The following DPEP1 variants were observed in gnomAD, a reference collection of about 807,000 sequenced individuals.
DPEP1 encodes the protein dipeptidase 1.
DPEP1 carries 50 observed loss-of-function variants against 42.3 expected under a neutral mutation model. The ratio of observed to expected loss-of-function variants is 1.18; its 90% CI spans 0.94 to 1.50. The LOEUF (loss-of-function observed/expected upper bound fraction) is 1.50, where lower values mean the gene tolerates loss of function less well. DPEP1 is among the 40% of genes most tolerant of loss of function. The pLI, the probability that DPEP1 is intolerant of heterozygous loss-of-function variation, is 0.00. For missense variants in DPEP1, 663 were observed against 553.0 expected, an observed-to-expected ratio of 1.20 and a Z score of -1.99; for synonymous variants, 297 against 234.0, an observed-to-expected ratio of 1.27 and a Z score of -2.46.
intron 1 of DPEP1, among the ~76,000 whole-genome samples, chr16:89,615,615 G>A (rs72805576): frequency 0.04 from 6,121 of 152,322 alleles, 178 homozygotes; most frequent in African/African-American, 0.075. Context: ...CCCACAGGCA[G>A]AGCCCACCCT....
chr16:89,638,748 A>G (rs1173147719), downstream of DPEP1, among the ~76,000 whole-genome samples: 1 of 104,764 alleles, frequency 9.5e-6, no homozygotes, highest in African/African-American at 3.9e-5. Context: ...CCCTGCACAC[A>G]CACACACCCC....
intron 2 of DPEP1, among the ~76,000 whole-genome samples, chr16:89,632,003 G>A (rs889563454): frequency 6.6e-6 from 1 of 152,056 alleles, no homozygotes; most frequent in Admixed American, 6.6e-5. Flanking sequence ...CATAAAGAAG[G>A]GAAAAAGGAC....
chr16:89,618,475 C>T (rs1049660229), intron 1 of DPEP1, among the ~76,000 whole-genome samples: 2 of 152,168 alleles, frequency 1.3e-5, no homozygotes, highest in Non-Finnish European at 2.9e-5. Context: ...GCCTTGGCCA[C>T]CCAAAGTGCT....
chr16:89,628,683 C>A (rs760531050), intron 1 of DPEP1, among the ~76,000 whole-genome samples: 1 of 152,110 alleles, frequency 6.6e-6, no homozygotes, highest in Non-Finnish European at 1.5e-5. Context: ...CAGTTTCTGC[C>A]TCTGAAGCGA....
intron 1 of DPEP1, among the ~76,000 whole-genome samples, chr16:89,620,428 G>T (rs577659247): frequency 6.6e-6 from 1 of 152,280 alleles, no homozygotes; most frequent in East Asian, 1.9e-4. Context: ...TGCCTGGGGG[G>T]CCTCAAAGGG....
At chr16:89,617,520 C>T (rs1279854762) in intron 1 of DPEP1, among the ~76,000 whole-genome samples, 1 of 152,066 alleles carries the variant, frequency 6.6e-6, no homozygotes, top group African/African-American at 2.4e-5. Flanking sequence ...ATGCAAAGGA[C>T]AGGAGCCCAC....
chr16:89,623,742 A>G (rs868294926), intron 1 of DPEP1, among the ~76,000 whole-genome samples: 15 of 152,180 alleles, frequency 9.9e-5, no homozygotes, highest in Admixed American at 6.5e-4. Context: ...AAGCCAGGAC[A>G]GGAGGCAGAA....
downstream of DPEP1, among the ~76,000 whole-genome samples, chr16:89,639,826 C>T (rs1022090427): frequency 6.6e-6 from 1 of 152,162 alleles, no homozygotes; most frequent in Non-Finnish European, 1.5e-5. Context: ...GCTGGGATTA[C>T]AGATGTGCGC....
Position 89,619,838 on chromosome 16 carries a change from G to A in DPEP1, c.-107+6119G>A, listed in dbSNP as rs112169227. On this transcript the variant is annotated intron_variant, in intron 1 of 10. Coordinates refer to ENST00000690203, the MANE Select transcript of DPEP1 (RefSeq NM_001389466.1). ...CACTCCCCTCTCTGCAGCCCCCTGC[G>A]TCCCCTCCCCTCTCTGCAGCCCCCA... Among the ~76,000 whole-genome samples the A allele has an allele frequency of 7.3e-4, 8 of 10,914 alleles. No homozygotes were observed. In the South Asian group the frequency reaches 0.026, roughly 36 times the overall value. 7.2% of individuals were successfully genotyped at this position (10,914 alleles called of 152,430 possible). A position where few individuals can be genotyped will look rare whatever the true frequency, so the allele number is the denominator to read the frequency against.
At chr16:89,613,901 GCGGCTTCC>G (rs2059354859) in intron 1 of DPEP1, among the ~76,000 whole-genome samples, 182 bp downstream of exon 1, 2 of 149,052 alleles carry the variant, frequency 1.3e-5, no homozygotes, top group African/African-American at 2.5e-5. Context: ...AGGGGACGGG[GCGGCTTCC>G]TGGGATTCTA....
At chr16:89,618,979 G>A (rs1423782112) in intron 1 of DPEP1, among the ~76,000 whole-genome samples, 7 of 4,078 alleles carry the variant, frequency 1.7e-3, no homozygotes, top group Middle Eastern at 0.25. Context: ...CTGCCCCCCC[G>A]CTCCCCTCCC....
At position 89,632,714 on chromosome 16, in the gene DPEP1, C is replaced by T. The variant is rs145148533; in HGVS notation, c.104+2200C>T. Among the ~76,000 whole-genome samples, 254 of 152,276 alleles carry T rather than the reference C, an allele frequency of 1.7e-3. 2 individuals are homozygous for T. Among genetic ancestry groups the T allele is most frequent in the African/African-American group, 5.8e-3 (243 of 41,558 alleles). On this transcript the variant is annotated intron_variant, in intron 2 of 10. Transcript: ENST00000690203. ...GCCATGAGGCAGGCAGGGCCTCCCT[C>T]CCACTGAGAAACCAGAGGCCCCACC...
chr16:89,625,270 C>G (rs1307465599), intron 1 of DPEP1, among the ~76,000 whole-genome samples: 1 of 152,172 alleles, frequency 6.6e-6, no homozygotes, highest in African/African-American at 2.4e-5. Flanking sequence ...CCTAAGTTCC[C>G]TGCCCCCAGA....
At chr16:89,621,393 G>A (rs1349499832) in intron 1 of DPEP1, among the ~76,000 whole-genome samples, 1 of 152,106 alleles carries the variant, frequency 6.6e-6, no homozygotes, top group Non-Finnish European at 1.5e-5. Context: ...GAAGTGGGGT[G>A]CCGGCCTTAC....
rs750441573 is a variant in DPEP1 at position 89,636,410 on chromosome 16, C to T, written c.370+14C>T. 1.2e-6 allele frequency: 2 copies of T among 1,607,816 alleles called. No homozygotes were observed. The highest frequency in any genetic ancestry group is 1.7e-6 in the Non-Finnish European group (2 of 1,177,044). On this transcript the variant is annotated intron_variant, in intron 4 of 10. Coordinates refer to ENST00000690203, the MANE Select transcript of DPEP1 (RefSeq NM_001389466.1). Reference sequence around the variant, plus strand: ...CCAGCAGTGCAGGTGGGGTCCTGACCTGGGTCCTCCAGGTCCTGCGTCTTC... The same window carrying T: ...CCAGCAGTGCAGGTGGGGTCCTGACTTGGGTCCTCCAGGTCCTGCGTCTTC...
At chr16:89,617,940 C>T (rs1378500694) in intron 1 of DPEP1, among the ~76,000 whole-genome samples, 1 of 152,166 alleles carries the variant, frequency 6.6e-6, no homozygotes, top group African/African-American at 2.4e-5. Context: ...ACAAGAATCA[C>T]TTGAACCTGG....
At chr16:89,628,501 G>A (rs910605565) in intron 1 of DPEP1, among the ~76,000 whole-genome samples, 28 of 146,310 alleles carry the variant, frequency 1.9e-4, no homozygotes, top group Admixed American at 4.7e-4. Context: ...CAGGTGATCC[G>A]CCCGCCTCAG....
At position 89,630,476 on chromosome 16, in the gene DPEP1, G is replaced by C; in HGVS notation, c.66G>C (p.Glu22Asp). The change falls in exon 2 of 11, where the codon GAG (glutamate) becomes GAC (aspartate). Residue 22 changes from glutamate (E) to aspartate (D), a missense_variant. Glu to Asp is a conservative substitution (Grantham distance 45). Coordinates refer to ENST00000690203, the MANE Select transcript of DPEP1 (RefSeq NM_001389466.1). ...GCACTGCAGACTTCTTTCGGGACGA[G>C]GCAGAGAGGATCATGAGGGACTCCC... ...AVCTADFFRDEAERIMRDSPV... is the reference protein window; with the variant it reads ...AVCTADFFRDDAERIMRDSPV... The C allele has an allele frequency of 1.2e-6, 2 of 1,609,686 alleles. No homozygotes were observed. The highest frequency in any genetic ancestry group is 1.7e-6 in the Non-Finnish European group (2 of 1,178,468).
At chr16:89,615,313 A>T (rs537459606) in intron 1 of DPEP1, among the ~76,000 whole-genome samples, 176 of 152,228 alleles carry the variant, frequency 1.2e-3, no homozygotes, top group African/African-American at 4.1e-3. Context: ...GGTCGGGCTG[A>T]GGCTCCCAGC....
Sources: gnomAD v4.1 joint callset for allele counts (sites outside exome capture counted in the v4.1 genomes callset) on GRCh38, gnomAD v4.1.1 for gene constraint, MANE v1.5 for transcripts, NCBI Gene and HGNC (gene_info 2026-07-23, HGNC 2026-07-21) for gene names.